SGCD: variants seen among roughly 807,000 people sequenced by gnomAD.
SGCD encodes the protein delta-sarcoglycan.
A neutral mutation model predicts 36.6 loss-of-function variants in SGCD; 18 were observed. That is an observed-to-expected ratio of 0.49 (90% confidence interval 0.34 to 0.73). The LOEUF (loss-of-function observed/expected upper bound fraction) is 0.73. Among genes scored for constraint, SGCD ranks in the 30% least tolerant of loss-of-function variants. The pLI, the probability that SGCD is intolerant of heterozygous loss-of-function variation, is 0.01. For missense variants in SGCD, 387 were observed against 346.7 expected (o/e 1.12, Z -0.92); for synonymous variants, 133 against 130.6 (o/e 1.02, Z -0.12).
At chr5:155,876,877 T>TA (rs1755778862) in intron 1 of SGCD, among the ~76,000 whole-genome samples, 1 of 152,120 alleles carries the variant, frequency 6.6e-6, no homozygotes, top group Non-Finnish European at 1.5e-5. Context: ...GACAATCATG[T>TA]GAAAATATTA....
At chr5:156,618,045 T>A (rs1671868962) in intron 6 of SGCD, among the ~76,000 whole-genome samples, 1 of 152,222 alleles carries the variant, frequency 6.6e-6, no homozygotes, top group Non-Finnish European at 1.5e-5. Flanking sequence ...TCTCTTTGCT[T>A]CTTTTTCCTT....
intron 3 of SGCD, among the ~76,000 whole-genome samples, chr5:156,308,220 C>T (rs191065504): frequency 1.3e-3 from 197 of 151,858 alleles, no homozygotes; most frequent in African/African-American, 4.6e-3. Flanking sequence ...AACTTACAAT[C>T]GTGGCGGAGG....
chr5:156,160,025 G>A (rs1265475226), intron 3 of SGCD, among the ~76,000 whole-genome samples: 3 of 151,586 alleles, frequency 2.0e-5, no homozygotes, highest in Admixed American at 2.0e-4. Context: ...GTGTTCTTTA[G>A]TAAATTAGCT....
chr5:155,993,752 C>T (rs1264289634), intron 1 of SGCD, among the ~76,000 whole-genome samples: 1 of 152,116 alleles, frequency 6.6e-6, no homozygotes, highest in Non-Finnish European at 1.5e-5. Context: ...TATGTGGTTG[C>T]CATGTGGGGG....
chr5:156,250,309 T>C (rs772898274), intron 3 of SGCD, among the ~76,000 whole-genome samples: 2 of 152,230 alleles, frequency 1.3e-5, no homozygotes, highest in Non-Finnish European at 2.9e-5. Context: ...TGAGTGATGG[T>C]TATTCTTTTG....
At chr5:156,166,543 A>G (rs553660902) in intron 3 of SGCD, among the ~76,000 whole-genome samples, 3 of 152,218 alleles carry the variant, frequency 2.0e-5, no homozygotes, top group South Asian at 4.2e-4. Context: ...GGTGGTCTTG[A>G]TCTCCTGACC....
intron 1 of SGCD, among the ~76,000 whole-genome samples, chr5:155,939,838 CT>C (rs78904259): frequency 0.16 from 21,859 of 139,646 alleles, 2,070 homozygotes; most frequent in Admixed American, 0.36. Flanking sequence ...CCAAATGTCT[CT>C]TTTTTTTTTT....
chr5:156,361,081 C>T (rs1319509720), intron 3 of SGCD, among the ~76,000 whole-genome samples: 2 of 152,196 alleles, frequency 1.3e-5, no homozygotes, highest in Non-Finnish European at 1.5e-5. Flanking sequence ...GTCATGGGCA[C>T]CCTAACCTGG....
At chr5:156,487,458 C>T (rs1050875857) in intron 3 of SGCD, among the ~76,000 whole-genome samples, 1 of 152,028 alleles carries the variant, frequency 6.6e-6, no homozygotes, top group Non-Finnish European at 1.5e-5. Flanking sequence ...AGCAAGAAAA[C>T]CTGACACCTC....
At chr5:155,730,488 T>C in the SGCD span, among the ~76,000 whole-genome samples, 6 of 133,834 alleles carry the variant, frequency 4.5e-5, no homozygotes. Context: ...GAGGGGAAAT[T>C]GGGGGAAAGG....
chr5:156,057,475 A>G (rs1581068302), intron 1 of SGCD, among the ~76,000 whole-genome samples: 1 of 146,782 alleles, frequency 6.8e-6, no homozygotes, highest in Non-Finnish European at 1.5e-5. Flanking sequence ...TTTGATTTGT[A>G]AATATCAGTT....
At chr5:156,343,733 T>C (rs1768792521) in intron 2 of SGCD, among the ~76,000 whole-genome samples, 1 of 152,202 alleles carries the variant, frequency 6.6e-6, no homozygotes, top group Non-Finnish European at 1.5e-5. Flanking sequence ...CTCTCTACTG[T>C]GCTTAGCATT....
the SGCD span, among the ~76,000 whole-genome samples, chr5:155,739,351 A>C: frequency 1.3e-5 from 2 of 152,358 alleles, no homozygotes; most frequent in African/African-American, 4.8e-5. Flanking sequence ...TGTGAGTTTC[A>C]CAGTTGAGAA....
chr5:155,923,991 G>A (rs1156644181), intron 1 of SGCD, among the ~76,000 whole-genome samples: 8 of 152,142 alleles, frequency 5.3e-5, no homozygotes. Flanking sequence ...CTTGCCTGGG[G>A]TGTTTTTCAG....
intron 1 of SGCD, among the ~76,000 whole-genome samples, chr5:155,986,598 A>C (rs1455445017): frequency 6.6e-6 from 1 of 152,170 alleles, no homozygotes; most frequent in African/African-American, 2.4e-5. Flanking sequence ...AGGACATGAA[A>C]AGCTTTTAGG....
chr5:156,558,068 G>C (rs1272816285), intron 4 of SGCD, among the ~76,000 whole-genome samples: 1 of 129,950 alleles, frequency 7.7e-6, no homozygotes, highest in Non-Finnish European at 1.6e-5. Context: ...AATAGACTGA[G>C]TGTGTTATTA....
intron 3 of SGCD, among the ~76,000 whole-genome samples, chr5:156,294,697 T>C: frequency 6.6e-6 from 1 of 152,320 alleles, no homozygotes; most frequent in Non-Finnish European, 1.5e-5. Flanking sequence ...TGAAAAGGTG[T>C]TGAATTTTGT....
chr5:156,191,601 T>C (rs1763897166), intron 3 of SGCD, among the ~76,000 whole-genome samples: 1 of 152,168 alleles, frequency 6.6e-6, no homozygotes, highest in South Asian at 2.1e-4. Context: ...ACTTATTTCC[T>C]TAAGAGAGTA....
At chr5:156,483,314 A>G (rs1460188273) in intron 3 of SGCD, among the ~76,000 whole-genome samples, 1 of 152,152 alleles carries the variant, frequency 6.6e-6, no homozygotes, top group Non-Finnish European at 1.5e-5. Context: ...GCTTAGGTGC[A>G]TGTTCAATAT....
Sources: gnomAD v4.1 joint callset for allele counts (sites outside exome capture counted in the v4.1 genomes callset) on GRCh38, gnomAD v4.1.1 for gene constraint, MANE v1.5 for transcripts, NCBI Gene and HGNC (gene_info 2026-07-23, HGNC 2026-07-21) for gene names.